UBA2: variants seen among roughly 807,000 people sequenced by gnomAD.
UBA2 encodes SUMO-activating enzyme subunit 2.
A neutral mutation model predicts 77.2 loss-of-function variants in UBA2; 11 were observed. The observed-to-expected ratio is 0.14, with a 90% CI of 0.09 to 0.24. The LOEUF is 0.24. UBA2 is among the 10% of genes least tolerant of loss of function. The pLI is 1.00. For synonymous variants in UBA2, 278 were observed against 276.7 expected, an observed-to-expected ratio of 1.00 and a Z score of -0.05; for missense variants, 487 against 781.7, an observed-to-expected ratio of 0.62 and a Z score of 4.50.
intron 12 of UBA2, among the ~76,000 whole-genome samples, chr19:34,456,082 C>A (rs1364444640): frequency 8.1e-6 from 1 of 123,760 alleles, no homozygotes; most frequent in African/African-American, 2.8e-5. Context: ...TGGCCCGATG[C>A]GCTCTTTTTT....
chr19:34,455,374 C>G (rs1000993753), intron 12 of UBA2, among the ~76,000 whole-genome samples: 3 of 152,198 alleles, frequency 2.0e-5, no homozygotes, highest in Middle Eastern at 3.4e-3. Flanking sequence ...AGAGTTCCTA[C>G]CTTAGTGGTG....
chr19:34,432,044 CAGT>C (rs916504797), intron 3 of UBA2, 113 bp downstream of exon 3: 13 of 777,102 alleles, frequency 1.7e-5, no homozygotes, highest in African/African-American at 8.9e-5. Flanking sequence ...AATTATTAAA[CAGT>C]GGTGGTTTCT....
In UBA2 at chr19:34,445,135, T is replaced by G; in HGVS notation, c.771+14T>G. On this transcript the variant is annotated intron_variant, in intron 8 of 16. Coordinates refer to ENST00000246548, the MANE Select transcript of UBA2 (RefSeq NM_005499.3). ...CTTTTTACCAAGGTTAGATTTACTTTTTTTATAATCATGGATAGATGTATT... is the reference window on the plus strand; with the variant it reads ...CTTTTTACCAAGGTTAGATTTACTTGTTTTATAATCATGGATAGATGTATT... The G allele has an allele frequency of 6.2e-7, 1 of 1,606,982 alleles. No homozygotes were observed.
intron 8 of UBA2, among the ~76,000 whole-genome samples, chr19:34,445,826 T>C (rs2075423989): frequency 6.6e-6 from 1 of 152,166 alleles, no homozygotes; most frequent in Non-Finnish European, 1.5e-5. Flanking sequence ...CATAAGCCCC[T>C]TTTTCTTGGT....
At chr19:34,462,786 C>T (rs1355963358) in intron 14 of UBA2, among the ~76,000 whole-genome samples, 1 of 152,016 alleles carries the variant, frequency 6.6e-6, no homozygotes, top group Non-Finnish European at 1.5e-5. Flanking sequence ...GCCAACATGG[C>T]AAAACCTCAT....
intron 13 of UBA2, among the ~76,000 whole-genome samples, chr19:34,460,120 G>GA (rs2075614714): frequency 6.6e-6 from 1 of 152,174 alleles, no homozygotes; most frequent in Non-Finnish European, 1.5e-5. Context: ...TTCCATCTAT[G>GA]AAACCCCTGC....
chr19:34,468,352 T>TGA (rs2075708795), intron 16 of UBA2, among the ~76,000 whole-genome samples: 7 of 152,238 alleles, frequency 4.6e-5, no homozygotes, highest in Non-Finnish European at 8.8e-5. Context: ...GTCCGTCATC[T>TGA]TCCTTTGAGG....
chr19:34,435,008 A>G (rs1413098345), intron 5 of UBA2, 40 bp downstream of exon 5: 1 of 1,347,444 alleles, frequency 7.4e-7, no homozygotes, highest in Non-Finnish European at 1.0e-6. Context: ...CCAAATATTT[A>G]TTTGAGACCT....
chr19:34,431,965 AAGGGTTTTGT>A (rs1311484352), intron 3 of UBA2, 34 bp downstream of exon 3: 1 of 1,561,780 alleles, frequency 6.4e-7, no homozygotes, highest in Non-Finnish European at 8.8e-7. Flanking sequence ...AAAGTTGTAT[AAGGGTTTTGT>A]AAGCCAAATA....
chr19:34,448,233 C>G (rs1002759389), intron 8 of UBA2, among the ~76,000 whole-genome samples: 2 of 152,052 alleles, frequency 1.3e-5, no homozygotes, highest in Non-Finnish European at 2.9e-5. Flanking sequence ...CATCTGTACT[C>G]CCACTGGAAC....
intron 12 of UBA2, among the ~76,000 whole-genome samples, chr19:34,455,468 C>T (rs1345165231): frequency 6.6e-6 from 1 of 152,120 alleles, no homozygotes; most frequent in Non-Finnish European, 1.5e-5. Context: ...TCTGCAGACA[C>T]TTCGCTTTCT....
chr19:34,463,935 A>G (rs752444389), intron 14 of UBA2, 91 bp from the exon 15 acceptor site: 6 of 841,942 alleles, frequency 7.1e-6, no homozygotes, highest in Non-Finnish European at 1.2e-5. Flanking sequence ...GACACAAATC[A>G]GCCCATAACA....
At chr19:34,465,621 G>A (rs2075679232) in intron 15 of UBA2, among the ~76,000 whole-genome samples, 1 of 142,790 alleles carries the variant, frequency 7.0e-6, no homozygotes, top group African/African-American at 2.6e-5. Flanking sequence ...GGGCGACAGA[G>A]GGGGACTCCA....
chr19:34,459,808 C>A (rs992187904), intron 13 of UBA2, among the ~76,000 whole-genome samples: 3 of 152,170 alleles, frequency 2.0e-5, no homozygotes, highest in African/African-American at 7.2e-5. Context: ...AATGGCCTTT[C>A]TTCCAGAAAC....
At chr19:34,442,257 A>C (rs1022534122) in intron 6 of UBA2, among the ~76,000 whole-genome samples, 3 of 152,178 alleles carry the variant, frequency 2.0e-5, no homozygotes, top group Non-Finnish European at 4.4e-5. Flanking sequence ...TAATCTGGCA[A>C]AATTAATATG....
chr19:34,434,743 C>G, intron 4 of UBA2, 125 bp from the exon 5 acceptor site: 1 of 688,148 alleles, frequency 1.5e-6, no homozygotes, highest in East Asian at 2.8e-5. Context: ...ATTATTCTGG[C>G]CATAGCTATA....
chr19:34,444,973 GA>G (rs1436029648), intron 7 of UBA2, 26 bp from the exon 8 acceptor site: 2 of 1,600,386 alleles, frequency 1.2e-6, no homozygotes, highest in Non-Finnish European at 1.7e-6. Context: ...TATTACGGTT[GA>G]AAATAAAATA....
chr19:34,446,050 G>A (rs1419153263), intron 8 of UBA2, among the ~76,000 whole-genome samples: 4 of 151,992 alleles, frequency 2.6e-5, no homozygotes, highest in Non-Finnish European at 4.4e-5. Context: ...GGAGAATGGG[G>A]TCTCACCATG....
chr19:34,441,852 C>T (rs1483941075), intron 6 of UBA2, among the ~76,000 whole-genome samples: 5 of 149,282 alleles, frequency 3.3e-5, no homozygotes, highest in Admixed American at 2.0e-4. Flanking sequence ...ACCTGGGAGG[C>T]GGAGGTTGAA....
Sources: gnomAD v4.1 joint callset for allele counts (sites outside exome capture counted in the v4.1 genomes callset) on GRCh38, gnomAD v4.1.1 for gene constraint, MANE v1.5 for transcripts, NCBI Gene and HGNC (gene_info 2026-07-23, HGNC 2026-07-21) for gene names.